The following RELB variants were observed in gnomAD, a reference collection of about 807,000 sequenced individuals.
The protein encoded by RELB is RELB proto-oncogene, NF-kB subunit.
RELB carries 14 observed loss-of-function variants against 55.4 expected under a neutral mutation model. That is an observed-to-expected ratio of 0.25 (90% confidence interval 0.17 to 0.40). RELB has a LOEUF of 0.40. Ranked by LOEUF, RELB falls within the 10% of genes least tolerant of loss-of-function variation. The pLI is 1.00. For synonymous variants in RELB, 409 were observed against 371.3 expected, an observed-to-expected ratio of 1.10 and a Z score of -1.17; for missense variants, 669 against 830.7, an observed-to-expected ratio of 0.81 and a Z score of 2.39.
chr19:45,030,803 G>A (rs560402891), intron 8 of RELB, among the ~76,000 whole-genome samples: 32 of 152,124 alleles, frequency 2.1e-4, no homozygotes, highest in Non-Finnish European at 3.2e-4. Context: ...TCTCAAAATA[G>A]AATAAAGTAA....
intron 4 of RELB, among the ~76,000 whole-genome samples, chr19:45,016,715 C>G (rs1256228092): frequency 6.6e-6 from 1 of 152,056 alleles, no homozygotes; most frequent in Non-Finnish European, 1.5e-5. Flanking sequence ...AGAGCAAGGG[C>G]CAGGTGTGAT....
chr19:45,017,663 CTTTTTTT>C (rs773366193), intron 4 of RELB, among the ~76,000 whole-genome samples: 1 of 135,404 alleles, frequency 7.4e-6, no homozygotes, highest in Admixed American at 7.4e-5. Flanking sequence ...GTTATTATTC[CTTTTTTT>C]TTTTTTTTGA....
chr19:45,035,230 A>C lies in RELB; in HGVS notation c.1354+702A>C, dbSNP rs545092936. Among the ~76,000 whole-genome samples, 7 of 151,858 alleles carry C rather than the reference A, an allele frequency of 4.6e-5. No homozygotes were observed. The South Asian group carries it at 1.5e-3, about 32-fold the overall frequency. On this transcript the variant is annotated intron_variant, in intron 11 of 11. Coordinates refer to ENST00000221452, the MANE Select transcript of RELB (RefSeq NM_006509.4). ...ACGTTATTTCTTGTCTCACATACAT[A>C]GTCTGTAGGGACTGAAAGTGGCTCA...
intron 8 of RELB, 122 bp from the exon 9 acceptor site, chr19:45,032,412 C>T (rs1219207626): frequency 2.6e-6 from 2 of 755,736 alleles, no homozygotes; most frequent in East Asian, 5.6e-5. Context: ...GAGCAAGACT[C>T]TCAAAAAAAA....
At chr19:45,008,884 C>T (rs901909486) in intron 2 of RELB, among the ~76,000 whole-genome samples, 3 of 152,128 alleles carry the variant, frequency 2.0e-5, no homozygotes, top group Admixed American at 6.6e-5. Context: ...GTTTCGATTC[C>T]TCCACGATTC....
intron 2 of RELB, among the ~76,000 whole-genome samples, chr19:45,003,917 T>G (rs7255042): frequency 2.3e-5 from 2 of 88,650 alleles, no homozygotes; most frequent in South Asian, 4.0e-4. Context: ...TTTTTTGTGT[T>G]TTTTTTTTTT....
intron 8 of RELB, among the ~76,000 whole-genome samples, chr19:45,030,285 C>G (rs1329296684): frequency 6.6e-6 from 1 of 152,094 alleles, no homozygotes; most frequent in African/African-American, 2.4e-5. Flanking sequence ...CCAGTCTGGG[C>G]AACATAGCAA....
At chr19:45,029,870 G>T (rs539121676) in intron 8 of RELB, among the ~76,000 whole-genome samples, 4 of 151,058 alleles carry the variant, frequency 2.6e-5, no homozygotes, top group South Asian at 4.2e-4. Context: ...AAAAAAGAAA[G>T]AAAAGAAAAA....
At chr19:45,015,411 C>A (rs111992666) in intron 4 of RELB, among the ~76,000 whole-genome samples, 169 of 152,130 alleles carry the variant, frequency 1.1e-3, no homozygotes, top group African/African-American at 4.0e-3. Flanking sequence ...AGTGGTAGAG[C>A]CTGGATTTGG....
In RELB at chr19:45,013,693, G is replaced by A. The variant is rs1045006985; in HGVS notation, c.504+1417G>A. 7.2e-5 allele frequency among the ~76,000 whole-genome samples: 11 copies of A among 151,932 alleles called. No individual in the cohort carries two copies. In the South Asian group the frequency reaches 8.3e-4, roughly 12 times the overall value. ...ACTGAAAATACAAAATTAGTGCGGCGTGGTGGTGCATGCCTGTAATCCCAG... is the reference window on the plus strand; with the variant it reads ...ACTGAAAATACAAAATTAGTGCGGCATGGTGGTGCATGCCTGTAATCCCAG... On this transcript the variant is annotated intron_variant, in intron 4 of 11. Transcript: ENST00000221452.
At chr19:45,030,530 G>T (rs1231554791) in intron 8 of RELB, among the ~76,000 whole-genome samples, 1 of 152,148 alleles carries the variant, frequency 6.6e-6, no homozygotes, top group African/African-American at 2.4e-5. Context: ...TACTTGGGAG[G>T]CTGAGGCACG....
At chr19:45,012,746 G>A (rs34999663) in intron 4 of RELB, among the ~76,000 whole-genome samples, 331 of 142,200 alleles carry the variant, frequency 2.3e-3, no homozygotes, top group African/African-American at 6.6e-3. Context: ...CAAAAAAAAA[G>A]AAAAAAAAAA....
At chr19:45,003,828 A>G (rs1236355377) in intron 2 of RELB, among the ~76,000 whole-genome samples, 1 of 151,106 alleles carries the variant, frequency 6.6e-6, no homozygotes, top group Non-Finnish European at 1.5e-5. Flanking sequence ...TATAATAATA[A>G]TAACGATAAT....
At chr19:45,007,047 G>A (rs1287438864) in intron 2 of RELB, among the ~76,000 whole-genome samples, 2 of 152,068 alleles carry the variant, frequency 1.3e-5, no homozygotes, top group African/African-American at 2.4e-5. Flanking sequence ...GGATAAAATG[G>A]TCAGGGAAGA....
chr19:45,019,357 C>G (rs536623100), intron 4 of RELB, among the ~76,000 whole-genome samples: 48 of 152,102 alleles, frequency 3.2e-4, no homozygotes, highest in Non-Finnish European at 1.6e-4. Context: ...AGCCACCACG[C>G]CTGGCCGACA....
At chr19:45,031,648 T>A (rs1971622785) in intron 8 of RELB, among the ~76,000 whole-genome samples, 1 of 151,992 alleles carries the variant, frequency 6.6e-6, no homozygotes. Context: ...CGATCTTGGC[T>A]CACTGCAAGC....
At chr19:45,032,365 G>T in intron 8 of RELB, 169 bp from the exon 9 acceptor site, 1 of 581,532 alleles carries the variant, frequency 1.7e-6, no homozygotes, top group Non-Finnish European at 3.1e-6. Flanking sequence ...GTTGCAGTGA[G>T]CTGAGATCGC....
intron 7 of RELB, among the ~76,000 whole-genome samples, chr19:45,026,472 A>G (rs1268466585): frequency 6.6e-6 from 1 of 151,974 alleles, no homozygotes; most frequent in African/African-American, 2.4e-5. Context: ...GCTACCTGGG[A>G]GGCGGAGGTT....
rs1568402295 is a variant in RELB, at chr19:45,023,999, TCGGCCTC to T, written c.663-1328_663-1322del. On this transcript the variant is annotated intron_variant, in intron 5 of 11. Coordinates refer to ENST00000221452, the MANE Select transcript of RELB (RefSeq NM_006509.4). ...ATTCTGACCTTGTGACCCACCCGCC[TCGGCCTC>T]CAATTTTTGTATTTTTAGTAGAGAC... Among the ~76,000 whole-genome samples, 54 of 22,566 alleles carry T rather than the reference TCGGCCTC, an allele frequency of 2.4e-3. 3 individuals carry two copies. Among genetic ancestry groups the T allele is most frequent in the African/African-American group, 5.5e-3 (53 of 9,616 alleles). The allele number at this position is 22,566 out of a possible 152,430, so 14.8% of individuals were successfully genotyped here. A position where few individuals can be genotyped will look rare whatever the true frequency, so the allele number is the denominator to read the frequency against.
Sources: allele counts gnomAD v4.1 joint callset (sites outside exome capture counted in the v4.1 genomes callset), GRCh38; gene constraint gnomAD v4.1.1; transcripts MANE v1.5; gene names NCBI Gene and HGNC (gene_info 2026-07-23, HGNC 2026-07-21).